Variants in ANKS1B observed in about 807,000 individuals in gnomAD.
The protein encoded by ANKS1B is ankyrin repeat and sterile alpha motif domain-containing protein 1B.
Under a neutral mutation model 148.3 loss-of-function variants are expected in ANKS1B, and 36 were observed. The observed-to-expected ratio is 0.24, with a 90% CI of 0.19 to 0.32. ANKS1B has a LOEUF of 0.32. ANKS1B is among the 10% of genes least tolerant of loss of function. The pLI, the probability that ANKS1B is intolerant of heterozygous loss-of-function variation, is 1.00. For synonymous variants in ANKS1B, 542 were observed against 560.8 expected, an observed-to-expected ratio of 0.97 and a Z score of 0.47; for missense variants, 1,157 against 1,542.6, an observed-to-expected ratio of 0.75 and a Z score of 4.19.
intron 15 of ANKS1B, among the ~76,000 whole-genome samples, chr12:99,092,555 C>A (rs2054416658): frequency 6.6e-6 from 1 of 151,166 alleles, no homozygotes; most frequent in Non-Finnish European, 1.5e-5. Flanking sequence ...GTCTAATATG[C>A]TGAACGTTTC....
At chr12:98,789,014 T>C (rs1362126323) in intron 22 of ANKS1B, among the ~76,000 whole-genome samples, 1 of 151,946 alleles carries the variant, frequency 6.6e-6, no homozygotes, top group Non-Finnish European at 1.5e-5. Context: ...AAACAAAGAG[T>C]TCAGTTCATA....
chr12:99,924,347 A>T (rs912488361), intron 1 of ANKS1B, among the ~76,000 whole-genome samples: 3 of 152,182 alleles, frequency 2.0e-5, no homozygotes, highest in Admixed American at 2.0e-4. Context: ...TTAAAGGATG[A>T]CATTACTCAA....
chr12:99,669,429 C>A (rs1185702939), intron 8 of ANKS1B, among the ~76,000 whole-genome samples: 4 of 151,936 alleles, frequency 2.6e-5, no homozygotes, highest in African/African-American at 9.7e-5. Context: ...TCAAGGCTTG[C>A]TTTTACTTTT....
intron 12 of ANKS1B, among the ~76,000 whole-genome samples, chr12:99,354,582 G>T (rs1592944532): frequency 6.6e-6 from 1 of 151,988 alleles, no homozygotes; most frequent in African/African-American, 2.4e-5. Flanking sequence ...ATACCCAAAA[G>T]AAATGCTCAT....
chr12:99,544,176 T>C (rs914605190), intron 9 of ANKS1B, among the ~76,000 whole-genome samples: 6 of 152,156 alleles, frequency 3.9e-5, no homozygotes, highest in Non-Finnish European at 8.8e-5. Flanking sequence ...CACATGGTAA[T>C]ATCTGAATAA....
At chr12:99,899,101 A>G (rs763163785) in intron 1 of ANKS1B, among the ~76,000 whole-genome samples, 16 of 152,156 alleles carry the variant, frequency 1.1e-4, no homozygotes, top group Non-Finnish European at 1.5e-4. Flanking sequence ...TACGTTAATA[A>G]CCCACTAAAT....
At chr12:99,580,600 G>A (rs1045937811) in intron 9 of ANKS1B, among the ~76,000 whole-genome samples, 2 of 152,120 alleles carry the variant, frequency 1.3e-5, no homozygotes, top group South Asian at 2.1e-4. Flanking sequence ...GAAGGGTAGC[G>A]AAGCGGGGGA....
chr12:99,471,804 C>T (rs1253182126), intron 10 of ANKS1B, among the ~76,000 whole-genome samples: 2 of 151,958 alleles, frequency 1.3e-5, no homozygotes, highest in Non-Finnish European at 2.9e-5. Context: ...GCAGGTTTTC[C>T]TATAATCTGT....
intron 8 of ANKS1B, among the ~76,000 whole-genome samples, chr12:99,698,891 C>T (rs907579497): frequency 6.6e-6 from 1 of 152,074 alleles, no homozygotes; most frequent in Admixed American, 6.5e-5. Context: ...ACACACTCTG[C>T]CCATGGTTTT....
At chr12:99,532,511 C>T (rs929641103) in intron 9 of ANKS1B, among the ~76,000 whole-genome samples, 9 of 152,140 alleles carry the variant, frequency 5.9e-5, no homozygotes, top group African/African-American at 2.2e-4. Context: ...CAGGCGCCTG[C>T]CACCCAACCT....
intron 22 of ANKS1B, chr12:98,794,557 G>GATGGCAAGATGTTCATCCGCAATT: frequency 1.4e-6 from 1 of 713,954 alleles, no homozygotes; most frequent in Non-Finnish European, 2.5e-6. Context: ...CATCCGCAAT[G>GATGGCAAGATGTTCATCCGCAATT]ATTGCAAGGT....
intron 12 of ANKS1B, among the ~76,000 whole-genome samples, chr12:99,277,122 C>T (rs958273293): frequency 2.0e-5 from 3 of 152,160 alleles, no homozygotes; most frequent in Admixed American, 6.5e-5. Context: ...CAAAAGAGAA[C>T]TTGTTATTTT....
chr12:98,918,981 CACTT>C (rs1159476285), intron 17 of ANKS1B, among the ~76,000 whole-genome samples: 3 of 152,138 alleles, frequency 2.0e-5, no homozygotes, highest in African/African-American at 4.8e-5. Flanking sequence ...ATTTAGCAAA[CACTT>C]ACCCATAATT....
chr12:99,723,739 T>C (rs1413421480), intron 8 of ANKS1B, among the ~76,000 whole-genome samples: 1 of 152,144 alleles, frequency 6.6e-6, no homozygotes, highest in South Asian at 2.1e-4. Context: ...GGAGTGATCA[T>C]ACTGGCATCA....
chr12:99,593,535 G>C (rs1398652637), intron 9 of ANKS1B, among the ~76,000 whole-genome samples: 1 of 151,938 alleles, frequency 6.6e-6, no homozygotes, highest in East Asian at 1.9e-4. Context: ...TAATGTTAAG[G>C]TACATAAGAA....
At chr12:99,624,739 T>C (rs2098092488) in intron 9 of ANKS1B, among the ~76,000 whole-genome samples, 1 of 151,810 alleles carries the variant, frequency 6.6e-6, no homozygotes, top group African/African-American at 2.4e-5. Context: ...TGTTAGAAAG[T>C]CAAAAAATAG....
chr12:99,419,684 T>G (rs2095026059), intron 11 of ANKS1B, among the ~76,000 whole-genome samples: 1 of 152,158 alleles, frequency 6.6e-6, no homozygotes, highest in Non-Finnish European at 1.5e-5. Flanking sequence ...ATTCTTGTTT[T>G]TAGAGATAGG....
At chr12:98,978,878 T>A (rs1597927649) in intron 17 of ANKS1B, among the ~76,000 whole-genome samples, 2 of 152,244 alleles carry the variant, frequency 1.3e-5, no homozygotes, top group South Asian at 2.1e-4. Flanking sequence ...GCGCGGTGGC[T>A]CACACCTGTA....
chr12:98,768,800 C>G (rs922008669), intron 25 of ANKS1B, among the ~76,000 whole-genome samples: 1 of 152,012 alleles, frequency 6.6e-6, no homozygotes, highest in African/African-American at 2.4e-5. Context: ...CACTCCACCC[C>G]CGCCTCACAT....
Sources: gnomAD v4.1 joint callset for allele counts (sites outside exome capture counted in the v4.1 genomes callset) on GRCh38, gnomAD v4.1.1 for gene constraint, MANE v1.5 for transcripts, NCBI Gene and HGNC (gene_info 2026-07-23, HGNC 2026-07-21) for gene names.